Variants in USP35 observed in about 807,000 individuals in gnomAD.
USP35 encodes the protein ubiquitin specific peptidase 35, also known as ubiquitin carboxyl-terminal hydrolase 35.
USP35 carries 69 observed loss-of-function variants against 83.8 expected under a neutral mutation model. The observed-to-expected ratio is 0.82, with a 90% CI of 0.68 to 1.01. The LOEUF is 1.01. Ranked by LOEUF, USP35 falls within the 50% of genes least tolerant of loss-of-function variation. The pLI is 0.00. For missense variants in USP35, 1,503 were observed against 1,362.5 expected, an observed-to-expected ratio of 1.10 and a Z score of -1.62; for synonymous variants, 714 against 589.5, an observed-to-expected ratio of 1.21 and a Z score of -3.06.
chr11:78,231,340 T>TGTG, the USP35 span, among the ~76,000 whole-genome samples: 1 of 148,048 alleles, frequency 6.8e-6, no homozygotes, highest in African/African-American at 2.6e-5. Flanking sequence ...GTGTGTGGTG[T>TGTG]GTGTGTGTGT....
At chr11:78,235,498 A>G in the USP35 span, among the ~76,000 whole-genome samples, 1 of 152,066 alleles carries the variant, frequency 6.6e-6, no homozygotes. Flanking sequence ...TTTTCCGAAC[A>G]TTTATGCTCT....
rs1864058602 is a variant in USP35 at position 78,215,200 on chromosome 11, A to ATTATTTCC, written c.*1388_*1395dup. 2 of 150,770 alleles carry ATTATTTCC rather than the reference A, an allele frequency of 1.3e-5. No homozygotes were observed. The highest frequency in any genetic ancestry group is 3.9e-4 in the East Asian group (2 of 5,192). The allele number at this position is 150,770 out of a possible 1,614,324, so 9.3% of individuals were successfully genotyped here. ...TATTCACAGCCAAGAAAAATACCCA[A>ATTATTTCC]TTATTTCCAAATAAAGCAAAAATTG... On this transcript the variant is annotated 3_prime_UTR_variant, in exon 11 of 11. Coordinates refer to ENST00000529308, the MANE Select transcript of USP35 (RefSeq NM_020798.4).
At chr11:78,227,889 A>G in the USP35 span, among the ~76,000 whole-genome samples, 1 of 152,328 alleles carries the variant, frequency 6.6e-6, no homozygotes, top group South Asian at 2.1e-4. Context: ...TGGTTGGTTA[A>G]GAGGCATTTT....
At chr11:78,209,325 G>A (rs1863642878) in intron 9 of USP35, 123 bp from the exon 10 acceptor site, 2 of 1,043,140 alleles carry the variant, frequency 1.9e-6, no homozygotes, top group East Asian at 2.6e-5. Context: ...TTTGGTGTGT[G>A]CATGTGTGTT....
chr11:78,215,250 T>TCCA (rs989002422), downstream of USP35: 1 of 152,598 alleles, frequency 6.6e-6, no homozygotes, highest in Admixed American at 6.5e-5. Context: ...GAGAACGGGT[T>TCCA]CCACCACCAA....
the USP35 span, chr11:78,223,701 A>G: frequency 1.3e-6 from 2 of 1,553,974 alleles, no homozygotes; most frequent in Non-Finnish European, 1.7e-6. Context: ...AGTGAAAGAA[A>G]TACAGCTGTT....
chr11:78,219,502 C>T, downstream of USP35: 3 of 1,252,816 alleles, frequency 2.4e-6, no homozygotes, highest in East Asian at 4.6e-5. Context: ...TCTTCCTGAG[C>T]TGTCTGAAGG....
downstream of USP35, chr11:78,219,391 C>T (rs758024914): frequency 2.5e-6 from 4 of 1,613,788 alleles, no homozygotes; most frequent in African/African-American, 5.3e-5. Flanking sequence ...ACCTTCTCAT[C>T]AGAGGTGACG....
chr11:78,219,380 C>G (rs764981508), downstream of USP35: 1 of 1,613,866 alleles, frequency 6.2e-7, no homozygotes, highest in Non-Finnish European at 8.5e-7. Flanking sequence ...GAACGTAGTC[C>G]ACCTTCTCAT....
At chr11:78,207,754 C>A in intron 8 of USP35, 131 bp downstream of exon 8, 1 of 951,090 alleles carries the variant, frequency 1.1e-6, no homozygotes, top group South Asian at 1.5e-5. Flanking sequence ...GAGCCCCTGG[C>A]CGGGCTGGCA....
rs765732506 is a variant in USP35, at chr11:78,209,667, G to A, written c.1812G>A (p.Glu604=). 3 of 1,614,012 alleles carry A rather than the reference G, an allele frequency of 1.9e-6. No individual in the cohort carries two copies. The highest frequency in any genetic ancestry group is 2.5e-6 in the Non-Finnish European group (3 of 1,179,950). The change falls in exon 10 of 11, where the codon GAG becomes GAA. Residue 604 remains glutamate, a synonymous_variant. Transcript: ENST00000529308. ...TDLSLAFPPP[E]RCRRRRLGSV... ...TCTCTCTCGCCTTCCCTCCTCCTGAGCGCTGTCGCCGCCGCCGCCTGGGCT... is the reference window on the plus strand; with the variant it reads ...TCTCTCTCGCCTTCCCTCCTCCTGAACGCTGTCGCCGCCGCCGCCTGGGCT...
chr11:78,209,365 G>T, intron 9 of USP35, 83 bp from the exon 10 acceptor site: 1 of 1,399,278 alleles, frequency 7.1e-7, no homozygotes, highest in Non-Finnish European at 9.6e-7. Context: ...GGCTGTTGGG[G>T]AAGGTAAATG....
Position 78,213,766 on chromosome 11 carries a change from A to C in USP35, c.3010A>C (p.Asn1004His). 1 of 1,548,694 alleles carries C rather than the reference A, an allele frequency of 6.5e-7. No individual in the cohort carries two copies. Among genetic ancestry groups the C allele is most frequent in the Middle Eastern group, 1.7e-4 (1 of 5,870 alleles). Residue 1004 changes from asparagine (N) to histidine (H), a missense_variant, in exon 11 of 11, where the codon AAT becomes CAT. Transcript: ENST00000529308. Reference protein sequence around the residue: ...DEDEGSPGGCNPAGGNGGDFH... With the variant: ...DEDEGSPGGCHPAGGNGGDFH... The stretch of plus-strand genomic sequence containing the variant: ...GGATGAAGGCTCTCCAGGGGGCTGC[A>C]ATCCTGCAGGTGGCAATGGTGGTGA...
intron 2 of USP35, among the ~76,000 whole-genome samples, chr11:78,197,145 G>A (rs896037312): frequency 6.6e-6 from 1 of 151,718 alleles, no homozygotes; most frequent in Admixed American, 6.6e-5. Context: ...GAAACGCAGG[G>A]AGGAGCACAC....
chr11:78,190,453 A>G (rs1401507743), intron 1 of USP35, among the ~76,000 whole-genome samples: 1 of 152,098 alleles, frequency 6.6e-6, no homozygotes, highest in East Asian at 1.9e-4. Flanking sequence ...CAGTTTCTGG[A>G]AGGTACTTTT....
chr11:78,223,734 G>C, the USP35 span: 19 of 1,414,030 alleles, frequency 1.3e-5, no homozygotes, highest in Admixed American at 2.2e-4. Flanking sequence ...AAACAGGAAG[G>C]GGGTAAGACT....
At chr11:78,213,053 T>C (rs1863857111) in intron 10 of USP35, among the ~76,000 whole-genome samples, 4 of 152,186 alleles carry the variant, frequency 2.6e-5, no homozygotes, top group Admixed American at 2.6e-4. Flanking sequence ...GTTTGTGTTT[T>C]GTGCGGGGGA....
At chr11:78,211,935 T>C (rs891561143) in intron 10 of USP35, among the ~76,000 whole-genome samples, 2 of 152,256 alleles carry the variant, frequency 1.3e-5, no homozygotes, top group African/African-American at 2.4e-5. Context: ...GCATAAGCTC[T>C]TTAGTTTAAG....
At position 78,213,263 on chromosome 11, in the gene USP35, G is replaced by A. The variant is rs531603009; in HGVS notation, c.2890-383G>A. 5.9e-4 allele frequency among the ~76,000 whole-genome samples: 90 copies of A among 152,268 alleles called. No homozygotes were observed. In the South Asian group the frequency reaches 0.016, roughly 27 times the overall value. On this transcript the variant is annotated intron_variant, in intron 10 of 10. Coordinates refer to ENST00000529308, the MANE Select transcript of USP35 (RefSeq NM_020798.4). ...GGGTAAGGATCGCCATGAGGCTGAC[G>A]TCCTGGTAGCAGGAGGATGGGCTTT...
Sources: allele counts gnomAD v4.1 joint callset (sites outside exome capture counted in the v4.1 genomes callset), GRCh38; gene constraint gnomAD v4.1.1; transcripts MANE v1.5; gene names NCBI Gene and HGNC (gene_info 2026-07-23, HGNC 2026-07-21).